Variants in SHISA9 observed in about 807,000 individuals in gnomAD.
The protein encoded by SHISA9 is shisa family member 9, also known as protein shisa-9.
A neutral mutation model predicts 38.0 loss-of-function variants in SHISA9; 13 were observed. The observed-to-expected ratio is 0.34, with a 90% CI of 0.22 to 0.54. The LOEUF is 0.54. Among genes scored for constraint, SHISA9 ranks in the 20% least tolerant of loss-of-function variants. The probability of loss-of-function intolerance (pLI) is 0.91; values close to 1 mark genes in which losing one functional copy is unlikely to be tolerated. For missense variants in SHISA9, 538 were observed against 575.8 expected (o/e 0.93, Z 0.67); for synonymous variants, 275 against 242.0 (o/e 1.14, Z -1.27).
At chr16:13,492,905 A>G in the SHISA9 span, among the ~76,000 whole-genome samples, 269 of 152,348 alleles carry the variant, frequency 1.8e-3, no homozygotes, top group African/African-American at 6.2e-3. Context: ...GGAGTTTAGT[A>G]TGTTTGAGAA....
the SHISA9 span, among the ~76,000 whole-genome samples, chr16:13,468,055 G>A: frequency 5.8e-4 from 88 of 152,166 alleles, no homozygotes; most frequent in Non-Finnish European, 9.3e-4. Context: ...AGACTGAGAG[G>A]GTTTTATTCT....
At chr16:13,161,272 G>T (rs1455323909) in intron 2 of SHISA9, among the ~76,000 whole-genome samples, 1 of 152,058 alleles carries the variant, frequency 6.6e-6, no homozygotes, top group Admixed American at 6.6e-5. Flanking sequence ...TTGATGGGTC[G>T]CTCTGTGGTG....
At position 12,902,242 on chromosome 16, in the gene SHISA9, G is replaced by A. The variant is rs1457512450; in HGVS notation, c.178G>A (p.Ala60Thr). Residue 60 changes from alanine (A) to threonine (T), a missense_variant, in exon 1 of 5, where the codon GCA becomes ACA. Physicochemically the swap from Ala to Thr is moderately conservative, Grantham distance 58 (BLOSUM62 0). Coordinates refer to ENST00000558583, the MANE Select transcript of SHISA9 (RefSeq NM_001145204.3). ...ASGEASEGAE[A>T]SDAPPTRAPT... ...CGGAGAGGCCAGCGAGGGCGCTGAG[G>A]CATCGGACGCGCCCCCGACCCGGGC... 3.2e-6 allele frequency: 5 copies of A among 1,543,408 alleles called. No individual in the cohort carries two copies. The highest frequency in any genetic ancestry group is 4.4e-6 in the Non-Finnish European group (5 of 1,146,468).
At chr16:13,544,727 G>A in the SHISA9 span, among the ~76,000 whole-genome samples, 1 of 152,230 alleles carries the variant, frequency 6.6e-6, no homozygotes, top group Admixed American at 6.5e-5. Flanking sequence ...CAGATCACTT[G>A]AGGTCAGGAG....
chr16:13,018,839 C>T (rs1176772188), intron 2 of SHISA9, among the ~76,000 whole-genome samples: 2 of 152,068 alleles, frequency 1.3e-5, no homozygotes, highest in Non-Finnish European at 2.9e-5. Context: ...CTGTGTGTGC[C>T]AGAGCCTATG....
the SHISA9 span, among the ~76,000 whole-genome samples, chr16:13,365,757 C>T: frequency 6.6e-6 from 1 of 152,260 alleles, no homozygotes; most frequent in East Asian, 1.9e-4. Context: ...CTGTGCCTGG[C>T]CCCAGAGAGT....
chr16:13,432,504 A>G, the SHISA9 span, among the ~76,000 whole-genome samples: 3 of 152,222 alleles, frequency 2.0e-5, no homozygotes, highest in South Asian at 4.1e-4. Context: ...ACAAGGCTCT[A>G]GAGTCATAGA....
At chr16:13,069,725 C>T (rs1202350453) in intron 2 of SHISA9, among the ~76,000 whole-genome samples, 1 of 151,996 alleles carries the variant, frequency 6.6e-6, no homozygotes. Context: ...TGTCTTGAAA[C>T]TTAATCTCAG....
At chr16:13,333,072 G>T in the SHISA9 span, among the ~76,000 whole-genome samples, 4 of 152,244 alleles carry the variant, frequency 2.6e-5, no homozygotes, top group Non-Finnish European at 5.9e-5. Flanking sequence ...GTCCAGGAGA[G>T]CTGCCCTTCA....
the SHISA9 span, among the ~76,000 whole-genome samples, chr16:13,300,211 G>GT: frequency 6.6e-6 from 1 of 152,114 alleles, no homozygotes; most frequent in African/African-American, 2.4e-5. Flanking sequence ...CAGTACGCCT[G>GT]TATTTCAAGA....
chr16:13,244,444 C>A (rs976398009), downstream of SHISA9, among the ~76,000 whole-genome samples: 7 of 152,180 alleles, frequency 4.6e-5, no homozygotes, highest in Non-Finnish European at 1.0e-4. Flanking sequence ...TGATGATCCA[C>A]TTCCACTTAA....
the SHISA9 span, among the ~76,000 whole-genome samples, chr16:13,391,677 C>T: frequency 7.4e-3 from 1,124 of 152,132 alleles, 19 homozygotes; most frequent in African/African-American, 0.025. Context: ...GGGTGGAATC[C>T]AGGAATCAAT....
At chr16:13,206,122 A>C (rs2051061555) in intron 3 of SHISA9, among the ~76,000 whole-genome samples, 2 of 152,298 alleles carry the variant, frequency 1.3e-5, no homozygotes, top group Middle Eastern at 3.4e-3. Context: ...CCTTCCCAGC[A>C]GAATTGACTG....
chr16:13,215,865 C>T (rs2051163201), intron 4 of SHISA9, among the ~76,000 whole-genome samples: 1 of 152,146 alleles, frequency 6.6e-6, no homozygotes. Context: ...TGTGCCCCCA[C>T]CTTCCACATC....
At chr16:13,266,837 C>T in the SHISA9 span, among the ~76,000 whole-genome samples, 24 of 152,186 alleles carry the variant, frequency 1.6e-4, 1 homozygote, top group African/African-American at 5.3e-4. Context: ...ATGATGACAA[C>T]AAGCGGTGGG....
At chr16:13,100,861 C>T (rs1192558819) in intron 2 of SHISA9, among the ~76,000 whole-genome samples, 1 of 152,138 alleles carries the variant, frequency 6.6e-6, no homozygotes, top group Non-Finnish European at 1.5e-5. Flanking sequence ...GCATGAGCCA[C>T]CACGCCTGGC....
At chr16:13,420,245 C>CAAAAA in the SHISA9 span, among the ~76,000 whole-genome samples, 3,709 of 50,354 alleles carry the variant, frequency 0.074, 645 homozygotes, top group Middle Eastern at 0.14. Flanking sequence ...GAATCTGTTT[C>CAAAAA]AAAAAAAAAA....
Position 13,235,600 on chromosome 16 carries a change from G to A in SHISA9, c.*191G>A. ...GGTCATGCCTGTAACGTGTCGGCGGGCAGCTGAGAAAGACCGAAGCGTGGA... is the reference window on the plus strand; with the variant it reads ...GGTCATGCCTGTAACGTGTCGGCGGACAGCTGAGAAAGACCGAAGCGTGGA... On this transcript the variant is annotated 3_prime_UTR_variant, in exon 5 of 5. Transcript: ENST00000558583. 2.9e-6 allele frequency: 2 copies of A among 698,220 alleles called. No individual in the cohort carries two copies. The highest frequency in any genetic ancestry group is 2.3e-5 in the South Asian group (1 of 43,038). The allele number at this position is 698,220 out of a possible 1,614,324, so 43.3% of individuals were successfully genotyped here. A position where few individuals can be genotyped will look rare whatever the true frequency, so the allele number is the denominator to read the frequency against.
At chr16:13,109,444 G>A (rs1477503445) in intron 2 of SHISA9, among the ~76,000 whole-genome samples, 1 of 152,184 alleles carries the variant, frequency 6.6e-6, no homozygotes, top group African/African-American at 2.4e-5. Context: ...GCTGGTGGGT[G>A]AAAATCTTGC....
Sources: gnomAD v4.1 joint callset for allele counts (sites outside exome capture counted in the v4.1 genomes callset) on GRCh38, gnomAD v4.1.1 for gene constraint, MANE v1.5 for transcripts, NCBI Gene and HGNC (gene_info 2026-07-23, HGNC 2026-07-21) for gene names.